Variants in SULF2 observed in about 807,000 individuals in gnomAD.
The protein encoded by SULF2 is extracellular sulfatase Sulf-2.
Under a neutral mutation model 107.7 loss-of-function variants are expected in SULF2, and 52 were observed. The ratio of observed to expected loss-of-function variants is 0.48; its 90% CI spans 0.39 to 0.61. SULF2 has a LOEUF of 0.61. Ranked by LOEUF, SULF2 falls within the 20% of genes least tolerant of loss-of-function variation. SULF2 has a pLI of 0.00. For synonymous variants in SULF2, 460 were observed against 464.3 expected (o/e 0.99, Z 0.12); for missense variants, 993 against 1,177.3 (o/e 0.84, Z 2.29).
chr20:47,721,287 A>T (rs984042258), intron 3 of SULF2, among the ~76,000 whole-genome samples: 4 of 152,176 alleles, frequency 2.6e-5, no homozygotes, highest in African/African-American at 4.8e-5. Flanking sequence ...ATTCCGCACG[A>T]AAGAGGCATC....
At position 47,658,278 on chromosome 20, in the gene SULF2, G is replaced by T; in HGVS notation, c.*84C>A. 2 of 1,463,442 alleles carry T rather than the reference G, an allele frequency of 1.4e-6. No homozygotes were observed. The highest frequency in any genetic ancestry group is 9.6e-7 in the Non-Finnish European group (1 of 1,042,522). 90.7% of individuals were successfully genotyped at this position (1,463,442 alleles called of 1,614,324 possible). On this transcript the variant is annotated 3_prime_UTR_variant, in exon 21 of 21. Transcript: ENST00000688720. Reference sequence around the variant, plus strand: ...GCCTCCTGGCCAATACCACAGGTCTGCTGGAAATCACCCACATGGTTTTTC... The same window carrying T: ...GCCTCCTGGCCAATACCACAGGTCTTCTGGAAATCACCCACATGGTTTTTC...
At chr20:47,731,082 T>C (rs1300555627) in intron 3 of SULF2, among the ~76,000 whole-genome samples, 17 of 151,964 alleles carry the variant, frequency 1.1e-4, no homozygotes, top group Admixed American at 1.1e-3. Context: ...GGCACACAGC[T>C]GCTGGAGTGC....
intron 3 of SULF2, among the ~76,000 whole-genome samples, chr20:47,705,991 G>T (rs1003393299): frequency 2.6e-5 from 4 of 151,532 alleles, no homozygotes; most frequent in African/African-American, 4.9e-5. Flanking sequence ...TAGAGATGAG[G>T]TTTCATCATG....
intron 2 of SULF2, among the ~76,000 whole-genome samples, chr20:47,742,766 C>T (rs1365071628): frequency 6.6e-6 from 1 of 152,058 alleles, no homozygotes; most frequent in Non-Finnish European, 1.5e-5. Flanking sequence ...GTAAGTCCAT[C>T]GTTGATAAAA....
intron 10 of SULF2, among the ~76,000 whole-genome samples, chr20:47,673,328 ATAT>A (rs2087536894): frequency 6.6e-6 from 1 of 152,150 alleles, no homozygotes; most frequent in South Asian, 2.1e-4. Flanking sequence ...GTGTGTTAAT[ATAT>A]TAACTTGCTT....
At chr20:47,781,222 C>T (rs1016161011) in intron 1 of SULF2, among the ~76,000 whole-genome samples, 3 of 152,266 alleles carry the variant, frequency 2.0e-5, no homozygotes, top group Non-Finnish European at 4.4e-5. Context: ...CAGCGTGTTT[C>T]CCCAGTCTCC....
intron 3 of SULF2, among the ~76,000 whole-genome samples, chr20:47,706,124 A>G (rs920808123): frequency 6.6e-6 from 1 of 152,010 alleles, no homozygotes; most frequent in Admixed American, 6.6e-5. Flanking sequence ...ATTTAAATAA[A>G]CCTGCCTATG....
chr20:47,704,232 A>G (rs1023972097), intron 3 of SULF2, among the ~76,000 whole-genome samples: 6 of 152,132 alleles, frequency 3.9e-5, no homozygotes, highest in Non-Finnish European at 8.8e-5. Context: ...AAGGAGACAG[A>G]CAAGACCTCT....
At chr20:47,674,872 C>T (rs1197814689) in intron 10 of SULF2, among the ~76,000 whole-genome samples, 3 of 152,096 alleles carry the variant, frequency 2.0e-5, no homozygotes, top group Non-Finnish European at 2.9e-5. Flanking sequence ...TGAGCAGGGC[C>T]GTTGCCTGGG....
chr20:47,698,271 C>T (rs868012140), intron 4 of SULF2, among the ~76,000 whole-genome samples: 3 of 152,216 alleles, frequency 2.0e-5, no homozygotes, highest in Middle Eastern at 3.2e-3. Flanking sequence ...TCCCAGCCAA[C>T]GTTCCAGCGT....
intron 2 of SULF2, among the ~76,000 whole-genome samples, chr20:47,754,559 C>T (rs144195342): frequency 4.3e-4 from 66 of 152,300 alleles, no homozygotes; most frequent in African/African-American, 1.5e-3. Context: ...CTTGTAGGCC[C>T]TAATCTATGC....
intron 3 of SULF2, among the ~76,000 whole-genome samples, chr20:47,704,459 G>C (rs1239853746): frequency 1.3e-5 from 2 of 152,084 alleles, no homozygotes; most frequent in Admixed American, 1.3e-4. Flanking sequence ...TTTTTGTAGA[G>C]AAGGGGTCTC....
At chr20:47,779,418 C>T (rs1446247821) in intron 1 of SULF2, among the ~76,000 whole-genome samples, 2 of 152,110 alleles carry the variant, frequency 1.3e-5, no homozygotes, top group Non-Finnish European at 2.9e-5. Flanking sequence ...ATCTCCAATC[C>T]CCATTTCACT....
chr20:47,696,100 C>T (rs931774522), intron 4 of SULF2, among the ~76,000 whole-genome samples: 3 of 152,184 alleles, frequency 2.0e-5, no homozygotes, highest in Non-Finnish European at 4.4e-5. Flanking sequence ...GCCAGATGGC[C>T]TGGGTTCGAA....
intron 3 of SULF2, among the ~76,000 whole-genome samples, chr20:47,712,664 G>A (rs779438678): frequency 6.6e-6 from 1 of 152,150 alleles, no homozygotes; most frequent in Non-Finnish European, 1.5e-5. Flanking sequence ...TGCAAGGTGG[G>A]GCAGCGCCCT....
intron 3 of SULF2, among the ~76,000 whole-genome samples, chr20:47,717,145 C>G (rs1245856560): frequency 6.6e-6 from 1 of 152,198 alleles, no homozygotes; most frequent in Non-Finnish European, 1.5e-5. Context: ...AAAAGGTAAA[C>G]AGTGTCCTGG....
chr20:47,660,892 C>T (rs2087043729), intron 18 of SULF2, among the ~76,000 whole-genome samples: 1 of 152,170 alleles, frequency 6.6e-6, no homozygotes, highest in African/African-American at 2.4e-5. Context: ...CACCTCCCAT[C>T]ACCATGTTGT....
chr20:47,755,039 T>C (rs141083789), intron 2 of SULF2, among the ~76,000 whole-genome samples: 1,900 of 152,226 alleles, frequency 0.012, 35 homozygotes, highest in Non-Finnish European at 0.016. Context: ...GGTCTCACTA[T>C]GTTGCCCAGG....
At chr20:47,665,533 G>GCCTGGGTT (rs1412907396) in intron 13 of SULF2, among the ~76,000 whole-genome samples, 1 of 152,224 alleles carries the variant, frequency 6.6e-6, no homozygotes, top group Non-Finnish European at 1.5e-5. Context: ...TTCCGGCCTG[G>GCCTGGGTT]CCTGCGCAGG....
Sources: gnomAD v4.1 joint callset for allele counts (sites outside exome capture counted in the v4.1 genomes callset) on GRCh38, gnomAD v4.1.1 for gene constraint, MANE v1.5 for transcripts, NCBI Gene and HGNC (gene_info 2026-07-23, HGNC 2026-07-21) for gene names.